OPCML: variants seen among roughly 807,000 people sequenced by gnomAD.
OPCML encodes opioid-binding protein/cell adhesion molecule.
Under a neutral mutation model 37.8 loss-of-function variants are expected in OPCML, and 13 were observed. The ratio of observed to expected loss-of-function variants is 0.34; its 90% confidence interval spans 0.22 to 0.55. OPCML has a LOEUF of 0.55. OPCML is among the 20% of genes least tolerant of loss of function. OPCML has a pLI of 0.91. For missense variants in OPCML, 341 were observed against 435.6 expected (o/e 0.78, Z 1.93); for synonymous variants, 176 against 168.8 (o/e 1.04, Z -0.33).
At chr11:132,974,551 G>A (rs1946414184) in intron 1 of OPCML, among the ~76,000 whole-genome samples, 1 of 152,198 alleles carries the variant, frequency 6.6e-6, no homozygotes, top group African/African-American at 2.4e-5. Context: ...TACACTGTTG[G>A]TGGGAGTGTA....
chr11:132,512,257 A>G (rs970200999), intron 4 of OPCML, among the ~76,000 whole-genome samples: 20 of 152,218 alleles, frequency 1.3e-4, no homozygotes, highest in African/African-American at 4.8e-4. Flanking sequence ...TGCTTATAGG[A>G]ATACAAATTG....
intron 2 of OPCML, among the ~76,000 whole-genome samples, chr11:132,665,495 A>C (rs560935847): frequency 2.0e-5 from 3 of 152,330 alleles, no homozygotes; most frequent in African/African-American, 7.2e-5. Flanking sequence ...GGAGTGATTT[A>C]TATGGAAAGA....
At chr11:133,352,490 C>T (rs1944164084) in intron 1 of OPCML, among the ~76,000 whole-genome samples, 2 of 152,214 alleles carry the variant, frequency 1.3e-5, no homozygotes, top group Admixed American at 1.3e-4. Flanking sequence ...CTTTTTGTAT[C>T]ACTCCTCTAT....
At chr11:133,511,887 T>A (rs1210241609) in intron 1 of OPCML, among the ~76,000 whole-genome samples, 1 of 152,186 alleles carries the variant, frequency 6.6e-6, no homozygotes, top group Non-Finnish European at 1.5e-5. Context: ...GCTTGACCCA[T>A]GCCAGGTAGT....
chr11:132,451,457 G>C (rs2096068184), intron 4 of OPCML, among the ~76,000 whole-genome samples: 1 of 152,174 alleles, frequency 6.6e-6, no homozygotes, highest in African/African-American at 2.4e-5. Flanking sequence ...ACTCTAGAAG[G>C]CCTGGGATCA....
intron 2 of OPCML, among the ~76,000 whole-genome samples, chr11:132,693,452 T>G (rs866447152): frequency 1.3e-5 from 2 of 152,204 alleles, no homozygotes; most frequent in East Asian, 3.8e-4. Context: ...AACAACCCCT[T>G]GATTTCATCA....
At chr11:132,764,902 T>C (rs1036198571) in intron 2 of OPCML, among the ~76,000 whole-genome samples, 4 of 152,250 alleles carry the variant, frequency 2.6e-5, no homozygotes, top group Admixed American at 2.6e-4. Flanking sequence ...ACCTGTTTCA[T>C]TGCTCTACCA....
intron 3 of OPCML, among the ~76,000 whole-genome samples, chr11:132,630,028 A>G (rs1035415703): frequency 1.3e-5 from 2 of 152,212 alleles, no homozygotes; most frequent in Non-Finnish European, 1.5e-5. Flanking sequence ...AATTAAAACA[A>G]TAGTGAGAAA....
chr11:132,433,761 CT>C (rs2096004971), intron 7 of OPCML, among the ~76,000 whole-genome samples: 1 of 152,166 alleles, frequency 6.6e-6, no homozygotes, highest in African/African-American at 2.4e-5. Context: ...CCCTCTCTCT[CT>C]TTTTCTATGA....
intron 2 of OPCML, among the ~76,000 whole-genome samples, chr11:132,735,017 A>G (rs3016392): frequency 0.63 from 95,925 of 152,016 alleles, 30,626 homozygotes; most frequent in Admixed American, 0.67. Flanking sequence ...GGTGATCTAG[A>G]TAAGATTTCC....
chr11:132,798,322 C>G (rs911214366), intron 2 of OPCML, among the ~76,000 whole-genome samples: 1 of 152,176 alleles, frequency 6.6e-6, no homozygotes, highest in East Asian at 1.9e-4. Flanking sequence ...CCACCCGCCT[C>G]AGCCTCCCAA....
intron 3 of OPCML, among the ~76,000 whole-genome samples, chr11:132,590,084 C>A (rs1397021982): frequency 2.0e-5 from 3 of 152,078 alleles, no homozygotes; most frequent in Non-Finnish European, 2.9e-5. Context: ...TTCCTCTTTG[C>A]CTCACAAATC....
chr11:133,124,621 C>G (rs1458672221), intron 1 of OPCML, among the ~76,000 whole-genome samples: 4 of 152,242 alleles, frequency 2.6e-5, no homozygotes, highest in East Asian at 1.9e-4. Context: ...GCCCAGCAGA[C>G]AGTATGGGGG....
chr11:132,640,632 A>G (rs1348283325), intron 3 of OPCML, among the ~76,000 whole-genome samples: 1 of 152,198 alleles, frequency 6.6e-6, no homozygotes, highest in Non-Finnish European at 1.5e-5. Context: ...ATTTCTGTTC[A>G]TATAGAGGGA....
intron 4 of OPCML, among the ~76,000 whole-genome samples, chr11:132,438,452 T>A (rs1001077819): frequency 9.2e-5 from 14 of 152,302 alleles, no homozygotes; most frequent in African/African-American, 3.4e-4. Flanking sequence ...GGGTCCACCA[T>A]GGATGTGAAG....
At chr11:133,081,703 G>A (rs1312384463) in intron 1 of OPCML, among the ~76,000 whole-genome samples, 1 of 152,114 alleles carries the variant, frequency 6.6e-6, no homozygotes, top group Admixed American at 6.5e-5. Flanking sequence ...TAACCCCAGG[G>A]GGAGGCTTTG....
intron 2 of OPCML, among the ~76,000 whole-genome samples, chr11:132,932,969 C>T (rs1945259273): frequency 6.6e-6 from 1 of 152,058 alleles, no homozygotes; most frequent in Admixed American, 6.6e-5. Context: ...AGCCTTTTGA[C>T]TGTAAAGTCA....
intron 2 of OPCML, among the ~76,000 whole-genome samples, chr11:132,685,716 T>C (rs987946660): frequency 1.3e-5 from 2 of 152,170 alleles, no homozygotes; most frequent in African/African-American, 4.8e-5. Context: ...GAAGAAAGAT[T>C]TATTTGTAAT....
Position 132,736,269 on chromosome 11 carries a change from C to T in OPCML, c.147-78950G>A, listed in dbSNP as rs185949195. On this transcript the variant is annotated intron_variant, in intron 2 of 7. Transcript: ENST00000524381. ...TCTGATTGAGAGAAGCTACTCAAGG[C>T]TATATGGAAGGAAGCACACTGAAGG... Among the ~76,000 whole-genome samples, 669 of 152,218 alleles carry T rather than the reference C, an allele frequency of 4.4e-3. 4 individuals are homozygous for T. Among genetic ancestry groups the T allele is most frequent in the Non-Finnish European group, 5.5e-3 (371 of 68,020 alleles).
Sources: gnomAD v4.1 joint callset for allele counts (sites outside exome capture counted in the v4.1 genomes callset) on GRCh38, gnomAD v4.1.1 for gene constraint, MANE v1.5 for transcripts, NCBI Gene and HGNC (gene_info 2026-07-23, HGNC 2026-07-21) for gene names.